The following CEP85L variants were observed in gnomAD, a reference collection of about 807,000 sequenced individuals.
The protein encoded by CEP85L is centrosomal protein 85L, also known as centrosomal protein of 85 kDa-like.
CEP85L carries 60 observed loss-of-function variants against 100.3 expected under a neutral mutation model. That is an observed-to-expected ratio of 0.60 (90% CI 0.49 to 0.74). The LOEUF is 0.74. Among genes scored for constraint, CEP85L ranks in the 30% least tolerant of loss-of-function variants. CEP85L has a pLI of 0.00. For synonymous variants in CEP85L, 319 were observed against 322.7 expected (o/e 0.99, Z 0.12); for missense variants, 973 against 936.2 (o/e 1.04, Z -0.51).
intron 1 of CEP85L, among the ~76,000 whole-genome samples, chr6:118,702,451 G>T (rs574177126): frequency 6.6e-5 from 10 of 152,290 alleles, no homozygotes; most frequent in African/African-American, 2.4e-4. Context: ...GGTCAAGGAT[G>T]CAATGAGCTG....
chr6:118,516,740 CTT>C (rs1431573553), intron 4 of CEP85L, among the ~76,000 whole-genome samples: 4 of 152,172 alleles, frequency 2.6e-5, no homozygotes, highest in Non-Finnish European at 2.9e-5. Flanking sequence ...TGCAGAAGCT[CTT>C]TAGTTTAATT....
chr6:118,491,803 T>C lies in CEP85L; in HGVS notation c.1320A>G (p.Gln440=), dbSNP rs1398388985. 1.2e-6 allele frequency: 2 copies of C among 1,612,892 alleles called. No homozygotes were observed. The highest frequency in any genetic ancestry group is 1.7e-6 in the Non-Finnish European group (2 of 1,179,456). ...CAAGCTTTTGCTCAAATTCCCCTTGTTGGGAATGGGAAACTGATTCCTCTG... is the reference window on the plus strand; with the variant it reads ...CAAGCTTTTGCTCAAATTCCCCTTGCTGGGAATGGGAAACTGATTCCTCTG... ...PFSEESVSHS[Q]QGEFEQKLAS... The change falls in exon 6 of 13, where the codon CAA becomes CAG. Residue 440 remains glutamine, a synonymous_variant. Coordinates refer to ENST00000368491, the MANE Select transcript of CEP85L (RefSeq NM_001042475.3).
intron 3 of CEP85L, among the ~76,000 whole-genome samples, chr6:118,535,421 A>T (rs1442285338): frequency 6.6e-6 from 1 of 152,240 alleles, no homozygotes; most frequent in African/African-American, 2.4e-5. Flanking sequence ...AGTGATGGAA[A>T]TGTCGCACAC....
chr6:118,590,185 C>G (rs776567820), intron 2 of CEP85L, among the ~76,000 whole-genome samples: 1 of 152,120 alleles, frequency 6.6e-6, no homozygotes, highest in Non-Finnish European at 1.5e-5. Flanking sequence ...CTGCTGCAAA[C>G]TCCCCTCATC....
At chr6:118,663,745 C>T (rs1776044287) in intron 1 of CEP85L, among the ~76,000 whole-genome samples, 1 of 152,140 alleles carries the variant, frequency 6.6e-6, no homozygotes, top group Non-Finnish European at 1.5e-5. Context: ...TTTGAGGATG[C>T]TCAAGTCTCT....
At chr6:118,571,613 T>C (rs1779893139) in intron 2 of CEP85L, among the ~76,000 whole-genome samples, 1 of 152,160 alleles carries the variant, frequency 6.6e-6, no homozygotes, top group Non-Finnish European at 1.5e-5. Context: ...CTGTCTGCTC[T>C]ATCCTTCTGA....
At chr6:118,528,209 C>A (rs188458558) in intron 3 of CEP85L, among the ~76,000 whole-genome samples, 2 of 143,650 alleles carry the variant, frequency 1.4e-5, no homozygotes, top group Non-Finnish European at 3.1e-5. Flanking sequence ...CTTTTCTTTT[C>A]TTTTTCTTTT....
intron 3 of CEP85L, among the ~76,000 whole-genome samples, chr6:118,563,937 T>G (rs187440332): frequency 6.6e-6 from 1 of 152,208 alleles, no homozygotes; most frequent in African/African-American, 2.4e-5. Flanking sequence ...TTTCTTTACC[T>G]GAATTCATCT....
At chr6:118,671,163 A>C (rs1467467663) in intron 1 of CEP85L, among the ~76,000 whole-genome samples, 1 of 152,134 alleles carries the variant, frequency 6.6e-6, no homozygotes, top group Non-Finnish European at 1.5e-5. Context: ...TGGACAGTGG[A>C]TCTCTATCTG....
intron 2 of CEP85L, among the ~76,000 whole-genome samples, chr6:118,610,300 G>T (rs754464497): frequency 1.3e-5 from 2 of 152,048 alleles, no homozygotes; most frequent in Non-Finnish European, 2.9e-5. Flanking sequence ...AAGCCAAGTG[G>T]GGTACCTAGA....
chr6:118,567,213 G>A (rs1436052665), intron 2 of CEP85L, among the ~76,000 whole-genome samples: 1 of 62,550 alleles, frequency 1.6e-5, no homozygotes, highest in Admixed American at 1.9e-4. Context: ...ATATGTATGT[G>A]TGTGTGTGTG....
intron 1 of CEP85L, 49 bp downstream of exon 1, chr6:118,651,148 C>A: frequency 6.8e-7 from 1 of 1,461,480 alleles, no homozygotes; most frequent in Non-Finnish European, 9.0e-7. Flanking sequence ...CGAGGCGCCG[C>A]GGTCGGCCGT....
chr6:118,469,028 G>A (rs774738796), intron 12 of CEP85L, 44 bp downstream of exon 12: 1 of 1,346,312 alleles, frequency 7.4e-7, no homozygotes, highest in South Asian at 1.2e-5. Context: ...ATGAAGATAG[G>A]TTTCTAATTG....
intron 5 of CEP85L, among the ~76,000 whole-genome samples, chr6:118,503,575 TAGTG>T (rs1304210886): frequency 7.2e-5 from 11 of 152,156 alleles, no homozygotes; most frequent in Non-Finnish European, 1.3e-4. Context: ...AATGTGGTAT[TAGTG>T]ATAAAATATA....
chr6:118,480,030 G>T, intron 9 of CEP85L, 109 bp from the exon 10 acceptor site: 2 of 662,180 alleles, frequency 3.0e-6, no homozygotes, highest in Non-Finnish European at 5.0e-6. Context: ...TTTTTAAAAG[G>T]GTCTTTTTAA....
rs1772346134 is a variant in CEP85L, at chr6:118,463,761, C to CATA, written c.*1643_*1644insTAT. On this transcript the variant is annotated 3_prime_UTR_variant, in exon 13 of 13. Coordinates refer to ENST00000368491, the MANE Select transcript of CEP85L (RefSeq NM_001042475.3). The stretch of plus-strand genomic sequence containing the variant: ...ACAGAAGGAAAATCTGATTTCTTTA[C>CATA]AGTGTATTATAACTGATTATTCAAC... The CATA allele has an allele frequency of 6.6e-6, 1 of 152,026 alleles. No individual in the cohort carries two copies. The highest frequency in any genetic ancestry group is 6.6e-5 in the Admixed American group (1 of 15,256). The allele number at this position is 152,026 out of a possible 1,614,324, so 9.4% of individuals were successfully genotyped here.
chr6:118,679,310 G>T (rs1776575601), intron 1 of CEP85L, among the ~76,000 whole-genome samples: 1 of 152,040 alleles, frequency 6.6e-6, no homozygotes, highest in Non-Finnish European at 1.5e-5. Context: ...GGCACAAGAT[G>T]AAGAAAAAAA....
chr6:118,706,700 T>C (rs1777602950), intron 1 of CEP85L, among the ~76,000 whole-genome samples: 4 of 152,320 alleles, frequency 2.6e-5, no homozygotes, highest in African/African-American at 9.6e-5. Context: ...CGCCACCATG[T>C]CATATTTTCT....
chr6:118,506,451 G>A (rs558121966), intron 5 of CEP85L, among the ~76,000 whole-genome samples: 1 of 152,294 alleles, frequency 6.6e-6, no homozygotes, highest in South Asian at 2.1e-4. Flanking sequence ...CACTTCTCAA[G>A]GAAGAGCACC....
Sources: allele counts gnomAD v4.1 joint callset (sites outside exome capture counted in the v4.1 genomes callset), GRCh38; gene constraint gnomAD v4.1.1; transcripts MANE v1.5; gene names NCBI Gene and HGNC (gene_info 2026-07-23, HGNC 2026-07-21).